ITPRIPL1: variants seen among roughly 807,000 people sequenced by gnomAD.
ITPRIPL1 encodes inositol 1,4,5-trisphosphate receptor-interacting protein-like 1.
Under a neutral mutation model 40.0 loss-of-function variants are expected in ITPRIPL1, and 28 were observed. The ratio of observed to expected loss-of-function variants is 0.70; its 90% confidence interval spans 0.52 to 0.96. The LOEUF is 0.96. Ranked by LOEUF, ITPRIPL1 falls within the 40% of genes least tolerant of loss-of-function variation. The pLI is 0.00. For synonymous variants in ITPRIPL1, 251 were observed against 275.7 expected (o/e 0.91, Z 0.89); for missense variants, 638 against 698.0 (o/e 0.91, Z 0.97).
At position 96,327,554 on chromosome 2, in the gene ITPRIPL1, G is replaced by A; in HGVS notation, c.923G>A (p.Cys308Tyr). 1 of 1,613,368 alleles carries A rather than the reference G, an allele frequency of 6.2e-7. No homozygotes were observed. The highest frequency in any genetic ancestry group is 8.5e-7 in the Non-Finnish European group (1 of 1,179,714). Residue 308 changes from cysteine to tyrosine, a missense_variant, in exon 3 of 3, where the codon TGC becomes TAC. Transcript: ENST00000439118. ...AGTAGCTCCATCAAGGCAGCTCTCT[G>A]CACCGGCTTCCACCTAGACGTGTGC... ...KCSSSIKAALCTGFHLDVCKT... is the reference protein window; with the variant it reads ...KCSSSIKAALYTGFHLDVCKT...
chr2:96,326,201 G>A, intron 2 of ITPRIPL1: 1 of 1,451,372 alleles, frequency 6.9e-7, no homozygotes. Flanking sequence ...TGGCTGCCGG[G>A]GCAGAGGAAA....
intron 2 of ITPRIPL1, 31 bp from the exon 3 acceptor site, chr2:96,326,611 A>C: frequency 6.2e-7 from 1 of 1,613,702 alleles, no homozygotes; most frequent in Non-Finnish European, 8.5e-7. Flanking sequence ...CTGGAAGATG[A>C]CCACTGACTC....
chr2:96,325,633 T>C (rs1423956271), intron 1 of ITPRIPL1, 68 bp downstream of exon 1: 14 of 622,928 alleles, frequency 2.2e-5, no homozygotes, highest in Non-Finnish European at 3.8e-5. Flanking sequence ...CTCCTACGGA[T>C]AGGCGGGTGA....
At chr2:96,326,147 A>G (rs1176514723) in intron 2 of ITPRIPL1, 1 of 1,486,994 alleles carries the variant, frequency 6.7e-7, no homozygotes, top group Non-Finnish European at 9.0e-7. Context: ...CTGGGTGAGC[A>G]GAATGAAGAC....
Position 96,327,973 on chromosome 2 carries a change from C to T in ITPRIPL1, c.1342C>T (p.His448Tyr), listed in dbSNP as rs776593726. The change falls in exon 3 of 3, where the codon CAT becomes TAT. Residue 448 changes from histidine to tyrosine, a missense_variant. Physicochemically the swap from His to Tyr is moderately conservative, Grantham distance 83. Transcript: ENST00000439118. ...GASRPILTSYHFKTALMHLLL... is the reference protein window; with the variant it reads ...GASRPILTSYYFKTALMHLLL... ...ATCCCGCCCCATCCTCACTTCTTAC[C>T]ATTTTAAAACAGCTCTCATGCACCT... The T allele has an allele frequency of 6.2e-7, 1 of 1,614,170 alleles. No homozygotes were observed. Among genetic ancestry groups the T allele is most frequent in the Non-Finnish European group, 8.5e-7 (1 of 1,180,030 alleles).
chr2:96,326,577 A>G (rs1489944466), intron 2 of ITPRIPL1, 65 bp from the exon 3 acceptor site: 6 of 1,603,724 alleles, frequency 3.7e-6, no homozygotes, highest in Non-Finnish European at 5.1e-6. Context: ...GCTCTGGGGA[A>G]TGTGAGCTAG....
At chr2:96,330,195 G>C (rs2064150216), downstream of ITPRIPL1, 1 of 129,498 alleles carries the variant, frequency 7.7e-6, no homozygotes, top group Non-Finnish European at 1.6e-5. Flanking sequence ...AGTGAGCTAT[G>C]ATAGTGTCAC....
At chr2:96,326,325 A>G (rs1350324537) in intron 2 of ITPRIPL1, 1 of 1,471,702 alleles carries the variant, frequency 6.8e-7, no homozygotes, top group Non-Finnish European at 9.0e-7. Context: ...CCACCCTACC[A>G]CAAGGGTCCC....
rs779565250 is a variant in ITPRIPL1, at chr2:96,327,072, A to T, written c.441A>T (p.Glu147Asp). The T allele has an allele frequency of 6.2e-7, 1 of 1,614,164 alleles. No individual in the cohort carries two copies. The highest frequency in any genetic ancestry group is 1.3e-5 in the African/African-American group (1 of 75,046). The change falls in exon 3 of 3, where the codon GAA (glutamate) becomes GAT (aspartate). Residue 147 changes from glutamate to aspartate, a missense_variant. Physicochemically the swap from Glu to Asp is conservative, Grantham distance 45 (BLOSUM62 2). Coordinates refer to ENST00000439118, the MANE Select transcript of ITPRIPL1 (RefSeq NM_001008949.3). ...FDSSSEEEEE[E>D]VRVVPVTSYN... ...CCAGCAGTGAGGAGGAGGAGGAGGAAGTCCGTGTTGTCCCTGTCACCTCTT... is the reference window on the plus strand; with the variant it reads ...CCAGCAGTGAGGAGGAGGAGGAGGATGTCCGTGTTGTCCCTGTCACCTCTT...
Position 96,327,988 on chromosome 2 carries a change from C to A in ITPRIPL1, c.1357C>A (p.Leu453Ile). 1 of 1,614,180 alleles carries A rather than the reference C, an allele frequency of 6.2e-7. No homozygotes were observed. The highest frequency in any genetic ancestry group is 8.5e-7 in the Non-Finnish European group (1 of 1,180,032). The change falls in exon 3 of 3, where the codon CTC (leucine) becomes ATC (isoleucine). Residue 453 changes from leucine (L) to isoleucine (I), a missense_variant. By Grantham distance (5) the Leu-to-Ile change is conservative. Coordinates refer to ENST00000439118, the MANE Select transcript of ITPRIPL1 (RefSeq NM_001008949.3). ...CACTTCTTACCATTTTAAAACAGCTCTCATGCACCTCTTGCTACGGCTGCC... is the reference window on the plus strand; with the variant it reads ...CACTTCTTACCATTTTAAAACAGCTATCATGCACCTCTTGCTACGGCTGCC... Reference protein sequence around the residue: ...ILTSYHFKTALMHLLLRLPLT... With the variant: ...ILTSYHFKTAIMHLLLRLPLT...
downstream of ITPRIPL1, chr2:96,328,413 G>A (rs2064138074): frequency 3.7e-6 from 4 of 1,071,854 alleles, no homozygotes; most frequent in East Asian, 9.7e-5. Context: ...TTGCCAGTGG[G>A]GGCTATGATG....
chr2:96,329,787 T>C (rs558182570), downstream of ITPRIPL1: 1 of 152,194 alleles, frequency 6.6e-6, no homozygotes, highest in South Asian at 2.1e-4. Flanking sequence ...ACTATAGTTA[T>C]GGGTGTGATT....
chr2:96,327,603 C>T lies in ITPRIPL1; in HGVS notation c.972C>T (p.Asn324=). 1.2e-6 allele frequency: 2 copies of T among 1,608,958 alleles called. No individual in the cohort carries two copies. The highest frequency in any genetic ancestry group is 1.7e-4 in the Middle Eastern group (1 of 6,006). The change falls in exon 3 of 3, where the codon AAC becomes AAT. Residue 324 remains asparagine (N), a synonymous_variant. Coordinates refer to ENST00000439118, the MANE Select transcript of ITPRIPL1 (RefSeq NM_001008949.3). The part of the protein sequence containing the change: ...DVCKTVQWFR[N]MMGNAWALVA... ...GCAAGACTGTGCAGTGGTTCCGGAA[C>T]ATGATGGGCAATGCCTGGGCCCTTG... is the stretch of plus-strand genomic sequence containing the variant.
Position 96,328,072 on chromosome 2 carries a change from T to C in ITPRIPL1, c.1441T>C (p.Leu481=), listed in dbSNP as rs1242584336. 6.2e-7 allele frequency: 1 copy of C among 1,614,208 alleles called. No individual in the cohort carries two copies. The highest frequency in any genetic ancestry group is 8.5e-7 in the Non-Finnish European group (1 of 1,180,026). The change falls in exon 3 of 3, where the codon TTG becomes CTG. Residue 481 remains leucine, a synonymous_variant. Transcript: ENST00000439118. ...GCGGCTCCAGGACATTCTCTGGTTCTTGGGCCGTGGCCTCCAGCAAAGGTC... is the reference window on the plus strand; with the variant it reads ...GCGGCTCCAGGACATTCTCTGGTTCCTGGGCCGTGGCCTCCAGCAAAGGTC... ...SQRLQDILWF[L]GRGLQQRSLH...
Position 96,327,694 on chromosome 2 carries a change from G to C in ITPRIPL1, c.1063G>C (p.Asp355His). The change falls in exon 3 of 3, where the codon GAC (aspartate) becomes CAC (histidine). Residue 355 changes from aspartate (D) to histidine (H), a missense_variant. By Grantham distance (81) the Asp-to-His change is moderately conservative. Transcript: ENST00000439118. ...PSTTSCKLRL[D>H]YRSGRFLSIH... ...TACCACCTCCTGCAAGCTCCGGCTGGACTATCGCTCAGGCCGCTTTCTCTC... is the reference window on the plus strand; with the variant it reads ...TACCACCTCCTGCAAGCTCCGGCTGCACTATCGCTCAGGCCGCTTTCTCTC... 1 of 1,613,370 alleles carries C rather than the reference G, an allele frequency of 6.2e-7. No homozygotes were observed. Among genetic ancestry groups the C allele is most frequent in the Non-Finnish European group, 8.5e-7 (1 of 1,179,760 alleles).
At position 96,327,235 on chromosome 2, in the gene ITPRIPL1, C is replaced by CGG; in HGVS notation, c.606_607dup (p.Val203GlyfsTer52). On this transcript the variant is annotated frameshift_variant, in exon 3 of 3. Coordinates refer to ENST00000439118, the MANE Select transcript of ITPRIPL1 (RefSeq NM_001008949.3). LOFTEE classifies it high-confidence loss of function. ...TGTGGATGATCTCATTGAGGCCTGT[C>CGG]GGGTGCTCAGCCGCCAAGAGGCTCA... 1 of 1,614,112 alleles carries CGG rather than the reference C, an allele frequency of 6.2e-7. No homozygotes were observed. Among genetic ancestry groups the CGG allele is most frequent in the Non-Finnish European group, 8.5e-7 (1 of 1,180,034 alleles).
Position 96,327,485 on chromosome 2 carries a change from T to C in ITPRIPL1, c.854T>C (p.Leu285Pro). ...AAACTCCTAGGGGACGTGCTGTGCCTGGTGCACCACCACAGGGACCCCTCG... is the reference window on the plus strand; with the variant it reads ...AAACTCCTAGGGGACGTGCTGTGCCCGGTGCACCACCACAGGGACCCCTCG... ...REKLLGDVLC[L>P]VHHHRDPSAV... Residue 285 changes from leucine (L) to proline (P), a missense_variant, in exon 3 of 3, where the codon CTG (leucine) becomes CCG (proline). Coordinates refer to ENST00000439118, the MANE Select transcript of ITPRIPL1 (RefSeq NM_001008949.3). 1 of 1,614,092 alleles carries C rather than the reference T, an allele frequency of 6.2e-7. No individual in the cohort carries two copies. Among genetic ancestry groups the C allele is most frequent in the Non-Finnish European group, 8.5e-7 (1 of 1,179,990 alleles).
At chr2:96,329,786 A>T (rs1215758787), downstream of ITPRIPL1, 1 of 152,036 alleles carries the variant, frequency 6.6e-6, no homozygotes, top group Non-Finnish European at 1.5e-5. Context: ...AACTATAGTT[A>T]TGGGTGTGAT....
chr2:96,330,277 A>AAAAG (rs2064151116), downstream of ITPRIPL1: 1 of 149,544 alleles, frequency 6.7e-6, no homozygotes, highest in Admixed American at 6.7e-5. Context: ...AAAAAAAAAA[A>AAAAG]GGTTCCCAGA....
Sources: gnomAD v4.1 joint callset for allele counts on GRCh38, gnomAD v4.1.1 for gene constraint, MANE v1.5 for transcripts, NCBI Gene and HGNC (gene_info 2026-07-23, HGNC 2026-07-21) for gene names.